EPM2A: variants seen among roughly 807,000 people sequenced by gnomAD.
The protein encoded by EPM2A is EPM2A glucan phosphatase, laforin.
Under a neutral mutation model 26.5 loss-of-function variants are expected in EPM2A, and 21 were observed. That is an observed-to-expected ratio of 0.79 (90% confidence interval 0.56 to 1.14). The LOEUF is 1.14. EPM2A is among the 50% of genes most tolerant of loss of function. EPM2A has a pLI of 0.00. For synonymous variants in EPM2A, 217 were observed against 177.6 expected (o/e 1.22, Z -1.76); for missense variants, 458 against 440.8 (o/e 1.04, Z -0.35).
Position 145,425,143 on chromosome 6 carries a change from TTCCTTCC to T in EPM2A, c.556-41053_556-41047del, listed in dbSNP as rs1289849249. Among the ~76,000 whole-genome samples, 14 of 151,308 alleles carry T rather than the reference TTCCTTCC, an allele frequency of 9.3e-5. 1 individual carries two copies. Among genetic ancestry groups the T allele is most frequent in the African/African-American group, 3.4e-4 (14 of 41,338 alleles). ...CTTCCTTCCTTCCTTCCTTCCTTCC[TTCCTTCC>T]TTCCTTCCTTTCCTTCCGTCTCTCA... is the stretch of plus-strand genomic sequence containing the variant. On this transcript the variant is annotated intron_variant, in intron 4 of 4. Coordinates refer to the EPM2A transcript ENST00000638717.
At chr6:145,542,536 G>T (rs1562376224) in intron 2 of EPM2A, among the ~76,000 whole-genome samples, 1 of 152,188 alleles carries the variant, frequency 6.6e-6, no homozygotes, top group Admixed American at 6.5e-5. Context: ...CTGAGGCAAA[G>T]ACATTTTACT....
intron 4 of EPM2A, among the ~76,000 whole-genome samples, chr6:145,422,288 A>T (rs1778799601): frequency 6.8e-6 from 1 of 147,284 alleles, no homozygotes; most frequent in South Asian, 2.1e-4. Flanking sequence ...GTATAATTAT[A>T]TTGTGTATAT....
At chr6:145,498,660 T>C (rs1039165756), downstream of EPM2A, among the ~76,000 whole-genome samples, 2 of 152,238 alleles carry the variant, frequency 1.3e-5, no homozygotes, top group African/African-American at 4.8e-5. Context: ...GCTGTCACTC[T>C]GCCCTGCTTT....
intron 2 of EPM2A, among the ~76,000 whole-genome samples, chr6:145,676,533 A>C (rs1780055083): frequency 6.6e-6 from 1 of 152,198 alleles, no homozygotes; most frequent in African/African-American, 2.4e-5. Flanking sequence ...GCTGCTAGCA[A>C]GACAAATAAA....
At chr6:145,594,509 C>T (rs1228307710) in intron 2 of EPM2A, among the ~76,000 whole-genome samples, 1 of 151,566 alleles carries the variant, frequency 6.6e-6, no homozygotes, top group Admixed American at 6.6e-5. Flanking sequence ...AAAGAAAAAT[C>T]ACAGGCCAAT....
chr6:145,533,662 G>T (rs182667800), intron 2 of EPM2A, among the ~76,000 whole-genome samples: 1 of 152,174 alleles, frequency 6.6e-6, no homozygotes, highest in African/African-American at 2.4e-5. Flanking sequence ...CCTCTTGCAT[G>T]ACTGGGTCTA....
At chr6:145,715,505 G>A (rs1369912204) in intron 1 of EPM2A, among the ~76,000 whole-genome samples, 1 of 152,182 alleles carries the variant, frequency 6.6e-6, no homozygotes, top group Admixed American at 6.5e-5. Flanking sequence ...TGTTATTTGA[G>A]GATATGTTGT....
chr6:145,439,894 T>C (rs2114699535), intron 4 of EPM2A, among the ~76,000 whole-genome samples: 1 of 152,350 alleles, frequency 6.6e-6, no homozygotes, highest in East Asian at 1.9e-4. Context: ...TCTTTGCCAG[T>C]TCCAATGTCC....
intron 2 of EPM2A, among the ~76,000 whole-genome samples, chr6:145,598,854 G>A (rs747940373): frequency 5.9e-5 from 9 of 151,710 alleles, no homozygotes; most frequent in Non-Finnish European, 1.0e-4. Flanking sequence ...ATAATTTATT[G>A]AATAGTAAAT....
intron 4 of EPM2A, among the ~76,000 whole-genome samples, chr6:145,473,579 C>T (rs1277774380): frequency 2.0e-5 from 3 of 151,966 alleles, no homozygotes; most frequent in African/African-American, 7.2e-5. Context: ...GAACATGATG[C>T]AGATTTAATC....
At chr6:145,392,361 T>C (rs1778349754) in intron 4 of EPM2A, among the ~76,000 whole-genome samples, 1 of 152,158 alleles carries the variant, frequency 6.6e-6, no homozygotes, top group Admixed American at 6.5e-5. Flanking sequence ...ATTTAAAAAC[T>C]TGAGAGCTAC....
chr6:145,434,658 T>C (rs1300770543), intron 4 of EPM2A, among the ~76,000 whole-genome samples: 1 of 152,172 alleles, frequency 6.6e-6, no homozygotes, highest in African/African-American at 2.4e-5. Flanking sequence ...ATTTTAAAGA[T>C]GACAAATCAG....
chr6:145,396,532 C>T (rs1778407450), intron 4 of EPM2A, among the ~76,000 whole-genome samples: 1 of 152,122 alleles, frequency 6.6e-6, no homozygotes, highest in Non-Finnish European at 1.5e-5. Flanking sequence ...ATGGAGCAGA[C>T]AATACTGTTG....
intron 4 of EPM2A, chr6:145,489,922 A>G (rs1779732681): frequency 7.4e-7 from 1 of 1,353,720 alleles, no homozygotes; most frequent in Non-Finnish European, 1.1e-6. Flanking sequence ...AATTCGACCC[A>G]CTTCTAGATA....
At chr6:145,459,191 G>A (rs1039634646) in intron 4 of EPM2A, among the ~76,000 whole-genome samples, 24 of 152,190 alleles carry the variant, frequency 1.6e-4, no homozygotes, top group Non-Finnish European at 3.4e-4. Flanking sequence ...GCAAAGAGAG[G>A]GGGTCAGTGG....
At chr6:145,474,839 C>T (rs62439572) in intron 4 of EPM2A, among the ~76,000 whole-genome samples, 3 of 152,132 alleles carry the variant, frequency 2.0e-5, no homozygotes, top group African/African-American at 4.8e-5. Context: ...CAAAAGAAGA[C>T]ATTTATGCAG....
chr6:145,453,394 T>TA (rs1351618860), intron 4 of EPM2A, among the ~76,000 whole-genome samples: 1 of 152,178 alleles, frequency 6.6e-6, no homozygotes, highest in Non-Finnish European at 1.5e-5. Context: ...ATTAAATTTT[T>TA]AAAAAATTCT....
At chr6:145,587,760 C>T (rs1462104280) in intron 2 of EPM2A, among the ~76,000 whole-genome samples, 2 of 152,046 alleles carry the variant, frequency 1.3e-5, no homozygotes, top group Non-Finnish European at 2.9e-5. Context: ...CTATCTTTTC[C>T]AAAAGGGAAA....
At chr6:145,637,991 G>A (rs180975848) in intron 2 of EPM2A, 2 of 152,276 alleles carry the variant, frequency 1.3e-5, no homozygotes, top group East Asian at 1.9e-4. Context: ...GAGGGAAGTG[G>A]ACACTTCCGT....
Sources: allele counts gnomAD v4.1 joint callset (sites outside exome capture counted in the v4.1 genomes callset), GRCh38; gene constraint gnomAD v4.1.1; transcripts MANE v1.5; gene names NCBI Gene and HGNC (gene_info 2026-07-23, HGNC 2026-07-21).